Variants in ANO4 observed in about 807,000 individuals in gnomAD.
The protein encoded by ANO4 is anoctamin 4.
Under a neutral mutation model 141.9 loss-of-function variants are expected in ANO4, and 69 were observed. The ratio of observed to expected loss-of-function variants is 0.49; its 90% CI spans 0.40 to 0.59. The LOEUF is 0.59. Ranked by LOEUF, ANO4 falls within the 20% of genes least tolerant of loss-of-function variation. ANO4 has a pLI of 0.00. For synonymous variants in ANO4, 350 were observed against 394.3 expected (o/e 0.89, Z 1.33); for missense variants, 894 against 1,162.2 (o/e 0.77, Z 3.36).
At chr12:100,727,301 C>T (rs912404200) in intron 1 of ANO4, among the ~76,000 whole-genome samples, 1 of 152,006 alleles carries the variant, frequency 6.6e-6, no homozygotes, top group East Asian at 1.9e-4. Flanking sequence ...TCTGTTATTC[C>T]CTGTAGTTCT....
At chr12:101,043,277 A>G (rs184408935) in intron 12 of ANO4, among the ~76,000 whole-genome samples, 263 of 152,368 alleles carry the variant, frequency 1.7e-3, no homozygotes, top group Middle Eastern at 6.8e-3. Flanking sequence ...AATTTGGGAT[A>G]TAACAATCAA....
intron 3 of ANO4, among the ~76,000 whole-genome samples, chr12:100,923,864 G>C (rs754899264): frequency 7.2e-5 from 11 of 152,110 alleles, no homozygotes; most frequent in Non-Finnish European, 1.2e-4. Context: ...TGGTGGTTTT[G>C]ATTTGCATTT....
intron 1 of ANO4, among the ~76,000 whole-genome samples, chr12:100,834,216 A>G (rs1950038694): frequency 6.6e-6 from 1 of 152,144 alleles, no homozygotes; most frequent in African/African-American, 2.4e-5. Flanking sequence ...GGTGCAAATA[A>G]GAAGAGACTG....
At chr12:100,836,662 A>T (rs2036939487) in intron 1 of ANO4, among the ~76,000 whole-genome samples, 1 of 152,084 alleles carries the variant, frequency 6.6e-6, no homozygotes, top group South Asian at 2.1e-4. Flanking sequence ...TCTTCTAATG[A>T]GGTCATAGGC....
chr12:100,851,829 C>T (rs2037890514), intron 1 of ANO4, among the ~76,000 whole-genome samples: 1 of 151,996 alleles, frequency 6.6e-6, no homozygotes, highest in Admixed American at 6.6e-5. Context: ...GCCAACGTAC[C>T]TGATGCTCCA....
At chr12:100,834,812 A>G (rs1190130824) in intron 1 of ANO4, among the ~76,000 whole-genome samples, 1 of 152,166 alleles carries the variant, frequency 6.6e-6, no homozygotes, top group Non-Finnish European at 1.5e-5. Flanking sequence ...CATTTGAACA[A>G]AAACTGATGG....
intron 2 of ANO4, among the ~76,000 whole-genome samples, chr12:100,903,742 A>C (rs750376717): frequency 1.1e-4 from 17 of 152,340 alleles, no homozygotes; most frequent in Non-Finnish European, 1.8e-4. Flanking sequence ...TCTGCTTTTA[A>C]GGCTTTTCAA....
intron 22 of ANO4, among the ~76,000 whole-genome samples, chr12:101,107,953 C>G (rs2050514046): frequency 1.3e-5 from 2 of 152,106 alleles, no homozygotes; most frequent in African/African-American, 4.8e-5. Context: ...GCTAATGGTT[C>G]TGAAGGCTAA....
At chr12:100,991,673 T>A (rs896050792) in intron 8 of ANO4, among the ~76,000 whole-genome samples, 3 of 152,172 alleles carry the variant, frequency 2.0e-5, no homozygotes, top group African/African-American at 4.8e-5. Flanking sequence ...TTCTTTTCCT[T>A]AACCAATATT....
intron 1 of ANO4, among the ~76,000 whole-genome samples, chr12:100,862,461 A>T (rs2038532626): frequency 6.6e-6 from 1 of 152,116 alleles, no homozygotes. Context: ...AGCTAGGATT[A>T]CAGGCGCCTG....
At chr12:100,863,133 C>T (rs1207147961) in intron 1 of ANO4, among the ~76,000 whole-genome samples, 1 of 152,068 alleles carries the variant, frequency 6.6e-6, no homozygotes, top group Non-Finnish European at 1.5e-5. Flanking sequence ...TTGGCAACTT[C>T]AAAGAAGAGG....
intron 8 of ANO4, among the ~76,000 whole-genome samples, chr12:100,996,159 A>G (rs1052960458): frequency 6.6e-6 from 1 of 152,228 alleles, no homozygotes; most frequent in African/African-American, 2.4e-5. Context: ...TAAGATATTT[A>G]ATTCATGCAT....
chr12:100,958,653 C>T (rs929628794), intron 5 of ANO4, among the ~76,000 whole-genome samples: 1 of 152,096 alleles, frequency 6.6e-6, no homozygotes, highest in African/African-American at 2.4e-5. Context: ...TGAAGACTAG[C>T]CTGGACAACA....
At chr12:101,082,578 T>C (rs1433883656) in intron 15 of ANO4, among the ~76,000 whole-genome samples, 1 of 152,176 alleles carries the variant, frequency 6.6e-6, no homozygotes, top group African/African-American at 2.4e-5. Flanking sequence ...CTAAAATAAA[T>C]GAAAGACAGA....
intron 2 of ANO4, among the ~76,000 whole-genome samples, chr12:100,913,314 T>C (rs1320043962): frequency 2.0e-5 from 3 of 152,188 alleles, no homozygotes; most frequent in Admixed American, 6.5e-5. Context: ...GCATTGCGTT[T>C]TGTGGAATTT....
rs893241913 is a variant in ANO4 at position 100,788,866 on chromosome 12, G to GA, written c.358+48772dup. ...TTACAGATAGAGATAAATGTAATGA[G>GA]AAAAAAAAAAAGAGTAACGAGCTGG... On this transcript the variant is annotated intron_variant, in intron 3 of 29. Transcript: ENST00000644049. Among the ~76,000 whole-genome samples, 880 of 143,896 alleles carry GA rather than the reference G, an allele frequency of 6.1e-3. 8 individuals are homozygous for GA. Among genetic ancestry groups the GA allele is most frequent in the African/African-American group, 0.018 (725 of 39,502 alleles). The allele number at this position is 143,896 out of a possible 152,430, so 94.4% of individuals were successfully genotyped here. A position where few individuals can be genotyped will look rare whatever the true frequency, so the allele number is the denominator to read the frequency against.
At chr12:100,799,019 G>A (rs2034520468) in intron 1 of ANO4, among the ~76,000 whole-genome samples, 1 of 152,176 alleles carries the variant, frequency 6.6e-6, no homozygotes, top group Admixed American at 6.5e-5. Context: ...GAGAGGGAGT[G>A]AGTGTCTGGA....
chr12:100,805,036 C>T (rs1352926469), intron 1 of ANO4, among the ~76,000 whole-genome samples: 3 of 152,126 alleles, frequency 2.0e-5, no homozygotes, highest in Non-Finnish European at 4.4e-5. Flanking sequence ...ATGCCTGTGT[C>T]CTGAATGGTA....
chr12:100,817,588 G>T lies in ANO4; in HGVS notation c.-141+22561G>T, dbSNP rs573188285. Among the ~76,000 whole-genome samples, 5 of 151,960 alleles carry T rather than the reference G, an allele frequency of 3.3e-5. No individual in the cohort carries two copies. The South Asian group carries it at 1.0e-3, about 32-fold the overall frequency. ...AAGGATGGGAAAACTTTATAGCCAC[G>T]AGTGACAGAAAGAAACTATTGTTCA... On this transcript the variant is annotated intron_variant, in intron 1 of 27. Coordinates refer to ENST00000392977, the MANE Select transcript of ANO4 (RefSeq NM_001286615.2).
Sources: allele counts gnomAD v4.1 joint callset (sites outside exome capture counted in the v4.1 genomes callset), GRCh38; gene constraint gnomAD v4.1.1; transcripts MANE v1.5; gene names NCBI Gene and HGNC (gene_info 2026-07-23, HGNC 2026-07-21).